Variants in IL1RAPL2 observed in about 807,000 individuals in gnomAD.
IL1RAPL2 encodes interleukin 1 receptor accessory protein like 2, also known as X-linked interleukin-1 receptor accessory protein-like 2.
A neutral mutation model predicts 44.1 loss-of-function variants in IL1RAPL2; 3 were observed. The observed-to-expected ratio is 0.07, with a 90% confidence interval of 0.03 to 0.18. The LOEUF (loss-of-function observed/expected upper bound fraction) is 0.18. Among genes scored for constraint, IL1RAPL2 ranks in the 10% least tolerant of loss-of-function variants. The pLI is 1.00. For missense variants in IL1RAPL2, 391 were observed against 496.4 expected (o/e 0.79, Z 2.02); for synonymous variants, 181 against 178.8 (o/e 1.01, Z -0.10).
chrX:105,697,672 GA>G (rs1164410223), intron 6 of IL1RAPL2, among the ~76,000 whole-genome samples: 27 of 111,353 alleles, frequency 2.4e-4, no homozygotes, highest in African/African-American at 7.8e-4. Context: ...AATTGGCTTA[GA>G]AACTGCAAAG....
chrX:105,068,054 C>G (rs1284828014), intron 2 of IL1RAPL2, among the ~76,000 whole-genome samples: 4 of 112,173 alleles, frequency 3.6e-5, no homozygotes, highest in Non-Finnish European at 5.6e-5. Context: ...CAATAAGACA[C>G]AAGTCAAACA....
intron 1 of IL1RAPL2, among the ~76,000 whole-genome samples, chrX:104,598,743 C>G (rs1928816160): frequency 8.9e-6 from 1 of 111,941 alleles, no homozygotes; most frequent in Non-Finnish European, 1.9e-5. Context: ...ATATGAATAT[C>G]TGTGGTTACT....
At chrX:104,897,559 T>A (rs1394094017) in intron 2 of IL1RAPL2, among the ~76,000 whole-genome samples, 1 of 112,334 alleles carries the variant, frequency 8.9e-6, no homozygotes, top group African/African-American at 3.2e-5. Context: ...CACCTCTCTG[T>A]GGGAAAATTA....
chrX:105,644,440 G>T lies in IL1RAPL2; in HGVS notation c.773-72927G>T, dbSNP rs181328307. ...TAAATAACATCATAAGGTTTGTCAA[G>T]CAAGCCACAGCAACCTCATTCAGGA... is the stretch of plus-strand genomic sequence containing the variant. On this transcript the variant is annotated intron_variant, in intron 6 of 10. Transcript: ENST00000372582. 3.6e-5 allele frequency among the ~76,000 whole-genome samples: 4 copies of T among 110,686 alleles called. No individual in the cohort carries two copies. The Admixed American group carries it at 3.8e-4, about 11-fold the overall frequency.
intron 6 of IL1RAPL2, among the ~76,000 whole-genome samples, chrX:105,665,734 GTTTTTTTGTT>G (rs1488547505): frequency 3.2e-5 from 2 of 62,504 alleles, no homozygotes; most frequent in African/African-American, 1.2e-4. Context: ...TTGTTTTTTT[GTTTTTTTGTT>G]TTTTTTTTTT....
chrX:105,044,526 T>C (rs1482990884), intron 2 of IL1RAPL2, among the ~76,000 whole-genome samples: 2 of 111,441 alleles, frequency 1.8e-5, no homozygotes. Flanking sequence ...TTGGGAAAGC[T>C]AAGCCTAAGC....
intron 2 of IL1RAPL2, among the ~76,000 whole-genome samples, chrX:105,025,186 AAATACT>A (rs1431456855): frequency 2.7e-5 from 3 of 111,385 alleles, no homozygotes; most frequent in African/African-American, 9.8e-5. Flanking sequence ...GGAAGTTTCA[AAATACT>A]TTTTCTAGTT....
intron 2 of IL1RAPL2, among the ~76,000 whole-genome samples, chrX:104,888,236 CAGAGAGAGAG>C (rs201487810): frequency 9.0e-5 from 8 of 88,480 alleles, no homozygotes; most frequent in Non-Finnish European, 1.5e-4. Flanking sequence ...GACAGAAAGT[CAGAGAGAGAG>C]AGAGAGAGAG....
Position 105,425,829 on chromosome X carries a change from T to A in IL1RAPL2, c.698-58484T>A, listed in dbSNP as rs568429689. ...TTTAATTTAGTTTATTTTAAAAAAA[T>A]GCTACAAAAAACCCCATCCTAACAC... On this transcript the variant is annotated intron_variant, in intron 5 of 10. Coordinates refer to ENST00000372582, the MANE Select transcript of IL1RAPL2 (RefSeq NM_017416.2). Among the ~76,000 whole-genome samples, 14 of 107,864 alleles carry A rather than the reference T, an allele frequency of 1.3e-4. No individual in the cohort carries two copies. The South Asian group carries it at 4.7e-3, about 37-fold the overall frequency. 93.7% of individuals were successfully genotyped at this position (107,864 alleles called of 115,157 possible). A position where few individuals can be genotyped will look rare whatever the true frequency, so the allele number is the denominator to read the frequency against.
intron 4 of IL1RAPL2, among the ~76,000 whole-genome samples, chrX:105,247,942 A>G (rs1460825674): frequency 9.0e-6 from 1 of 110,744 alleles, no homozygotes; most frequent in African/African-American, 3.3e-5. Context: ...TTTTATAAAA[A>G]AGAGAACATG....
intron 2 of IL1RAPL2, among the ~76,000 whole-genome samples, chrX:105,049,525 T>C (rs184180012): frequency 4.5e-5 from 5 of 111,048 alleles, no homozygotes; most frequent in African/African-American, 1.6e-4. Context: ...GGTCTGCTGC[T>C]TGGAAATTTG....
chrX:105,444,629 T>A (rs1392048308), intron 5 of IL1RAPL2, among the ~76,000 whole-genome samples: 1 of 111,334 alleles, frequency 9.0e-6, no homozygotes, highest in African/African-American at 3.2e-5. Flanking sequence ...AAAATAATAT[T>A]GTTTTATTTA....
At chrX:105,608,504 G>T (rs2037312170) in intron 6 of IL1RAPL2, among the ~76,000 whole-genome samples, 1 of 111,998 alleles carries the variant, frequency 8.9e-6, no homozygotes. Flanking sequence ...CAACAAAAAA[G>T]CAGAGAGTAT....
At chrX:105,746,913 C>A (rs2038547917) in intron 8 of IL1RAPL2, among the ~76,000 whole-genome samples, 1 of 111,657 alleles carries the variant, frequency 9.0e-6, no homozygotes, top group Non-Finnish European at 1.9e-5. Flanking sequence ...CCTTTTGAAT[C>A]AAGTCAATTA....
chrX:105,031,957 G>A (rs912561784), intron 2 of IL1RAPL2, among the ~76,000 whole-genome samples: 2 of 111,550 alleles, frequency 1.8e-5, no homozygotes, highest in Non-Finnish European at 3.8e-5. Context: ...AGACTTGGGA[G>A]GGTGTATGTG....
intron 5 of IL1RAPL2, among the ~76,000 whole-genome samples, chrX:105,408,638 AGTATT>A (rs1454482718): frequency 1.8e-5 from 2 of 111,872 alleles, no homozygotes; most frequent in Non-Finnish European, 3.8e-5. Flanking sequence ...AAGACAGAGA[AGTATT>A]GTATTGAGAG....
intron 2 of IL1RAPL2, among the ~76,000 whole-genome samples, chrX:105,158,354 G>A (rs1431764314): frequency 3.7e-5 from 4 of 107,886 alleles, no homozygotes; most frequent in Non-Finnish European, 7.7e-5. Context: ...GCGAGACTCC[G>A]TCTCAAAAAA....
At chrX:105,725,188 A>G (rs1233969934) in intron 7 of IL1RAPL2, among the ~76,000 whole-genome samples, 2 of 111,723 alleles carry the variant, frequency 1.8e-5, no homozygotes, top group South Asian at 3.7e-4. Context: ...GTCATTTTCA[A>G]TTATAAATCT....
At chrX:105,604,272 A>AT (rs1278066732) in intron 6 of IL1RAPL2, among the ~76,000 whole-genome samples, 1 of 111,668 alleles carries the variant, frequency 9.0e-6, no homozygotes, top group Non-Finnish European at 1.9e-5. Flanking sequence ...TAGACTAAGA[A>AT]AAAAAGAGAG....
Sources: gnomAD v4.1 joint callset for allele counts (sites outside exome capture counted in the v4.1 genomes callset) on GRCh38, gnomAD v4.1.1 for gene constraint, MANE v1.5 for transcripts, NCBI Gene and HGNC (gene_info 2026-07-23, HGNC 2026-07-21) for gene names.